Variants in RABGEF1 observed in about 807,000 individuals in gnomAD.
RABGEF1 encodes the protein rab5 GDP/GTP exchange factor.
In RABGEF1, 26 loss-of-function variants were observed where a neutral mutation model predicts 57.3. The ratio of observed to expected loss-of-function variants is 0.45; its 90% confidence interval spans 0.33 to 0.63. The LOEUF is 0.63. Ranked by LOEUF, RABGEF1 falls within the 20% of genes least tolerant of loss-of-function variation. The pLI, the probability that RABGEF1 is intolerant of heterozygous loss-of-function variation, is 0.02. For synonymous variants in RABGEF1, 185 were observed against 210.7 expected (o/e 0.88, Z 1.06); for missense variants, 464 against 607.6 (o/e 0.76, Z 2.48).
the RABGEF1 span, among the ~76,000 whole-genome samples, chr7:66,664,077 GAAA>G: frequency 9.7e-3 from 753 of 77,902 alleles, 4 homozygotes; most frequent in African/African-American, 0.033. Context: ...GTCTCAAAAA[GAAA>G]AAAAAAAAAA....
chr7:66,795,171 C>T (rs1318793917), intron 4 of RABGEF1, among the ~76,000 whole-genome samples: 1 of 152,128 alleles, frequency 6.6e-6, no homozygotes, highest in African/African-American at 2.4e-5. Flanking sequence ...AGCAGGGACT[C>T]TGGCCTTGTG....
chr7:66,773,082 TG>T (rs66559842), intron 2 of RABGEF1, among the ~76,000 whole-genome samples: 55,172 of 140,492 alleles, frequency 0.39, 10,949 homozygotes, highest in East Asian at 0.59. Flanking sequence ...GCTAGTTGTT[TG>T]TTTTTTTTTT....
chr7:66,658,872 A>T, the RABGEF1 span, among the ~76,000 whole-genome samples: 1 of 151,890 alleles, frequency 6.6e-6, no homozygotes, highest in South Asian at 2.1e-4. Flanking sequence ...AGTAGCTGGG[A>T]CTACAGGCGC....
chr7:66,751,610 GC>G (rs1160620465), intron 1 of RABGEF1, among the ~76,000 whole-genome samples: 1 of 152,142 alleles, frequency 6.6e-6, no homozygotes, highest in Non-Finnish European at 1.5e-5. Flanking sequence ...GTTGGATAAG[GC>G]CGCATTTTGC....
At chr7:66,682,854 T>C (rs964973514) in intron 1 of RABGEF1, among the ~76,000 whole-genome samples, 3 of 152,294 alleles carry the variant, frequency 2.0e-5, no homozygotes, top group East Asian at 1.9e-4. Flanking sequence ...GAAGTCCCTA[T>C]TTCCGAACCG....
intron 1 of RABGEF1, among the ~76,000 whole-genome samples, chr7:66,766,828 G>A (rs752528232): frequency 4.0e-5 from 6 of 151,816 alleles, no homozygotes; most frequent in South Asian, 2.1e-4. Context: ...AGGTCCAAGC[G>A]ATTCTTGTGC....
the RABGEF1 span, among the ~76,000 whole-genome samples, chr7:66,670,925 A>G: frequency 6.6e-6 from 1 of 151,482 alleles, no homozygotes; most frequent in Non-Finnish European, 1.5e-5. Context: ...ACACACACAC[A>G]TATGTGCTCT....
the RABGEF1 span, among the ~76,000 whole-genome samples, chr7:66,656,449 G>T: frequency 6.6e-6 from 1 of 152,186 alleles, no homozygotes; most frequent in Non-Finnish European, 1.5e-5. Flanking sequence ...GTGCAGGACA[G>T]AGATCTAGAA....
At chr7:66,658,963 C>T in the RABGEF1 span, among the ~76,000 whole-genome samples, 2 of 152,024 alleles carry the variant, frequency 1.3e-5, no homozygotes, top group Non-Finnish European at 1.5e-5. Context: ...TCTCTATCTC[C>T]TGACCTCATG....
intron 1 of RABGEF1, among the ~76,000 whole-genome samples, chr7:66,751,445 A>C (rs570023305): frequency 9.2e-5 from 14 of 152,306 alleles, no homozygotes; most frequent in African/African-American, 3.4e-4. Context: ...GTTGGTTTTT[A>C]GTTATCTGAA....
upstream of RABGEF1, chr7:66,740,583 C>T (rs1288099896): frequency 6.6e-6 from 1 of 152,586 alleles, no homozygotes; most frequent in Non-Finnish European, 1.5e-5. Flanking sequence ...CTCCGCTCGA[C>T]CCTTTGGATC....
intron 1 of RABGEF1, 84 bp downstream of exon 1, chr7:66,740,876 G>GA (rs1478193857): frequency 6.6e-6 from 1 of 152,172 alleles, no homozygotes; most frequent in Non-Finnish European, 1.5e-5. Flanking sequence ...GGCTGGGGGT[G>GA]GCAGGGCGGT....
intron 1 of RABGEF1, among the ~76,000 whole-genome samples, chr7:66,753,067 T>G (rs887020373): frequency 1.4e-4 from 21 of 152,212 alleles, no homozygotes; most frequent in Admixed American, 6.5e-4. Flanking sequence ...AATGGCTGTA[T>G]TTATAAAAAG....
chr7:66,679,174 C>T (rs937091717), upstream of RABGEF1, among the ~76,000 whole-genome samples: 3 of 152,098 alleles, frequency 2.0e-5, no homozygotes, highest in Non-Finnish European at 4.4e-5. Context: ...GAAGGGTCTT[C>T]CCTCTATCTG....
intron 1 of RABGEF1, among the ~76,000 whole-genome samples, chr7:66,758,767 C>CATCTCTT (rs1399702855): frequency 6.6e-6 from 1 of 152,204 alleles, no homozygotes; most frequent in Non-Finnish European, 1.5e-5. Context: ...TGGTGGTACC[C>CATCTCTT]TTGCTCTCTT....
intron 4 of RABGEF1, among the ~76,000 whole-genome samples, chr7:66,787,649 T>A (rs1446761917): frequency 1.3e-5 from 2 of 152,082 alleles, no homozygotes; most frequent in Non-Finnish European, 2.9e-5. Context: ...CTGGCCTAAC[T>A]TGAATTTAAG....
chr7:66,660,564 G>A, the RABGEF1 span, among the ~76,000 whole-genome samples: 58 of 151,802 alleles, frequency 3.8e-4, no homozygotes, highest in African/African-American at 1.3e-3. Context: ...GCTCCCGCCT[G>A]TAATCCCAGC....
At chr7:66,743,902 A>T (rs1217631789) in intron 1 of RABGEF1, among the ~76,000 whole-genome samples, 1 of 152,114 alleles carries the variant, frequency 6.6e-6, no homozygotes. Context: ...AAGTGTTGGG[A>T]TTACAAACAT....
Position 66,756,005 on chromosome 7 carries a change from G to A in RABGEF1, c.-18+15213G>A, listed in dbSNP as rs148082316. 2,822 of 1,428,342 alleles carry A rather than the reference G, an allele frequency of 2.0e-3. 32 individuals are homozygous for A. In the Admixed American group the frequency reaches 0.025, roughly 13 times the overall value. 88.5% of individuals were successfully genotyped at this position (1,428,342 alleles called of 1,614,324 possible). Reference sequence around the variant, plus strand: ...ATTATATTTAATCATATGAAAGTTGGTGAACCTTGGATTACAGATTGCAAA... The same window carrying A: ...ATTATATTTAATCATATGAAAGTTGATGAACCTTGGATTACAGATTGCAAA... On this transcript the variant is annotated intron_variant, in intron 1 of 8. Transcript: ENST00000284957.
Sources: allele counts gnomAD v4.1 joint callset (sites outside exome capture counted in the v4.1 genomes callset), GRCh38; gene constraint gnomAD v4.1.1; transcripts MANE v1.5; gene names NCBI Gene and HGNC (gene_info 2026-07-23, HGNC 2026-07-21).